Variants in LSAMP observed in about 807,000 individuals in gnomAD.
LSAMP encodes the protein limbic system-associated membrane protein.
In LSAMP, 7 loss-of-function variants were observed where a neutral mutation model predicts 38.6. The ratio of observed to expected loss-of-function variants is 0.18; its 90% CI spans 0.10 to 0.34. LSAMP has a LOEUF of 0.34. Among genes scored for constraint, LSAMP ranks in the 10% least tolerant of loss-of-function variants. The pLI is 1.00. For missense variants in LSAMP, 313 were observed against 420.0 expected, an observed-to-expected ratio of 0.75 and a Z score of 2.23; for synonymous variants, 154 against 166.8, an observed-to-expected ratio of 0.92 and a Z score of 0.59.
intron 1 of LSAMP, among the ~76,000 whole-genome samples, chr3:116,422,198 A>T (rs548860262): frequency 2.6e-4 from 40 of 152,338 alleles, no homozygotes; most frequent in African/African-American, 9.6e-4. Flanking sequence ...GTAGTGTATG[A>T]TTCTATTTAT....
In LSAMP at chr3:115,993,452, G is replaced by A. The variant is rs138267489; in HGVS notation, c.514+26063C>T. On this transcript the variant is annotated intron_variant, in intron 3 of 6. Coordinates refer to ENST00000490035, the MANE Select transcript of LSAMP (RefSeq NM_002338.5). ...TCCTCAAAATTTCTGACTATATTTTGTATGTTCAGATAATCTTATTAACAT... is the reference window on the plus strand; with the variant it reads ...TCCTCAAAATTTCTGACTATATTTTATATGTTCAGATAATCTTATTAACAT... Among the ~76,000 whole-genome samples, 29 of 151,980 alleles carry A rather than the reference G, an allele frequency of 1.9e-4. No individual in the cohort carries two copies. In the East Asian group the frequency reaches 3.1e-3, roughly 16 times the overall value.
At chr3:116,247,552 G>T (rs535173901) in intron 1 of LSAMP, among the ~76,000 whole-genome samples, 1 of 152,300 alleles carries the variant, frequency 6.6e-6, no homozygotes, top group Non-Finnish European at 1.5e-5. Context: ...GATTTTTAGA[G>T]ATATTTTTGA....
At chr3:115,991,746 A>C (rs6804278) in intron 3 of LSAMP, among the ~76,000 whole-genome samples, 70,537 of 151,734 alleles carry the variant, frequency 0.46, 17,852 homozygotes, top group African/African-American at 0.68. Flanking sequence ...TAGAAACCCC[A>C]AAAAAAGGGA....
At chr3:116,050,452 G>A (rs6776244) in intron 2 of LSAMP, among the ~76,000 whole-genome samples, 69,151 of 151,790 alleles carry the variant, frequency 0.46, 19,320 homozygotes, top group East Asian at 0.73. Context: ...GTTTCCTGCA[G>A]GGAGTCTCAC....
At chr3:116,421,047 G>C (rs1367212900) in intron 1 of LSAMP, among the ~76,000 whole-genome samples, 2 of 152,100 alleles carry the variant, frequency 1.3e-5, no homozygotes, top group Non-Finnish European at 2.9e-5. Flanking sequence ...ATGGATCATA[G>C]ACCCAAATGT....
chr3:116,155,920 T>G (rs1169407798), intron 1 of LSAMP, among the ~76,000 whole-genome samples: 1 of 152,140 alleles, frequency 6.6e-6, no homozygotes. Context: ...AACTGTTTGC[T>G]GTAAAACAGA....
At chr3:116,094,087 T>C (rs1708176057) in intron 1 of LSAMP, among the ~76,000 whole-genome samples, 1 of 152,182 alleles carries the variant, frequency 6.6e-6, no homozygotes, top group Admixed American at 6.5e-5. Flanking sequence ...TTCCAACAAC[T>C]ATGCAAACAC....
intron 2 of LSAMP, among the ~76,000 whole-genome samples, chr3:116,032,271 C>G (rs911220424): frequency 6.6e-6 from 1 of 152,068 alleles, no homozygotes; most frequent in East Asian, 1.9e-4. Context: ...TAACTTTATA[C>G]AGTTTGCAAA....
intron 2 of LSAMP, among the ~76,000 whole-genome samples, chr3:116,044,372 A>G (rs1338940063): frequency 1.3e-5 from 2 of 152,142 alleles, no homozygotes; most frequent in Non-Finnish European, 2.9e-5. Context: ...CCCATTTAGC[A>G]CACAGAAAAA....
At chr3:116,321,632 G>T (rs903624584) in intron 1 of LSAMP, among the ~76,000 whole-genome samples, 1 of 152,082 alleles carries the variant, frequency 6.6e-6, no homozygotes, top group Non-Finnish European at 1.5e-5. Flanking sequence ...TGAAACCTGG[G>T]TTCAAATTTA....
chr3:116,104,264 A>G lies in LSAMP; in HGVS notation c.156-17708T>C, dbSNP rs112031781. Among the ~76,000 whole-genome samples the G allele has an allele frequency of 6.5e-3, 984 of 152,336 alleles. 12 individuals are homozygous for G. Among genetic ancestry groups the G allele is most frequent in the African/African-American group, 0.022 (895 of 41,564 alleles). The stretch of plus-strand genomic sequence containing the variant: ...AAGAGGAACATAAAGCAAGATCAAA[A>G]GATACATATTCAATGCGAAACAGTG... On this transcript the variant is annotated intron_variant, in intron 1 of 6. Coordinates refer to ENST00000490035, the MANE Select transcript of LSAMP (RefSeq NM_002338.5).
At chr3:116,032,395 A>C (rs1382828235) in intron 2 of LSAMP, among the ~76,000 whole-genome samples, 1 of 152,156 alleles carries the variant, frequency 6.6e-6, no homozygotes, top group Non-Finnish European at 1.5e-5. Flanking sequence ...ACTGAGGCTC[A>C]GTGAGTTTCA....
At chr3:115,879,909 A>C (rs1235117048) in intron 3 of LSAMP, among the ~76,000 whole-genome samples, 1 of 152,172 alleles carries the variant, frequency 6.6e-6, no homozygotes, top group Non-Finnish European at 1.5e-5. Context: ...TGTGAGTTTA[A>C]AATGTTAGCA....
At chr3:116,300,409 A>G (rs2047390143) in intron 1 of LSAMP, among the ~76,000 whole-genome samples, 1 of 152,144 alleles carries the variant, frequency 6.6e-6, no homozygotes, top group Non-Finnish European at 1.5e-5. Context: ...CTTATTGACA[A>G]TGGGCCCGCT....
intron 6 of LSAMP, among the ~76,000 whole-genome samples, chr3:115,834,077 A>G (rs905610675): frequency 2.0e-5 from 3 of 152,200 alleles, no homozygotes; most frequent in African/African-American, 7.2e-5. Context: ...ATTTTAAGAA[A>G]AAATAACATC....
chr3:116,382,740 A>T (rs915129821), intron 1 of LSAMP, among the ~76,000 whole-genome samples: 26 of 152,126 alleles, frequency 1.7e-4, no homozygotes, highest in Non-Finnish European at 2.9e-4. Context: ...ACATATTTTT[A>T]AAAAATCTTT....
intron 1 of LSAMP, among the ~76,000 whole-genome samples, chr3:116,195,019 C>T (rs1710850082): frequency 1.3e-5 from 2 of 152,206 alleles, no homozygotes; most frequent in Non-Finnish European, 2.9e-5. Flanking sequence ...CCAGGATCCC[C>T]TGCCAACTGG....
chr3:116,245,682 A>T (rs1001314101), intron 1 of LSAMP, among the ~76,000 whole-genome samples: 1 of 152,166 alleles, frequency 6.6e-6, no homozygotes, highest in African/African-American at 2.4e-5. Context: ...TAAAAATCAG[A>T]ATGTATGAAA....
intron 2 of LSAMP, among the ~76,000 whole-genome samples, chr3:116,041,804 AAC>A (rs1347653173): frequency 1.4e-5 from 2 of 142,866 alleles, no homozygotes; most frequent in Non-Finnish European, 3.0e-5. Flanking sequence ...TGCAAAAAAA[AAC>A]AAAACAAAAC....
Sources: gnomAD v4.1 joint callset for allele counts (sites outside exome capture counted in the v4.1 genomes callset) on GRCh38, gnomAD v4.1.1 for gene constraint, MANE v1.5 for transcripts, NCBI Gene and HGNC (gene_info 2026-07-23, HGNC 2026-07-21) for gene names.